Variants in UBR1 observed in about 807,000 individuals in gnomAD.
UBR1 encodes the protein E3 ubiquitin-protein ligase UBR1.
Under a neutral mutation model 242.1 loss-of-function variants are expected in UBR1, and 102 were observed. The ratio of observed to expected loss-of-function variants is 0.42; its 90% CI spans 0.36 to 0.50. The LOEUF (loss-of-function observed/expected upper bound fraction) is 0.50. Ranked by LOEUF, UBR1 falls within the 20% of genes least tolerant of loss-of-function variation. UBR1 has a pLI of 0.01. For missense variants in UBR1, 1,772 were observed against 2,101.8 expected, an observed-to-expected ratio of 0.84 and a Z score of 3.07; for synonymous variants, 675 against 684.8, an observed-to-expected ratio of 0.99 and a Z score of 0.22.
intron 29 of UBR1, chr15:43,011,874 A>T (rs1192550036): frequency 2.2e-6 from 1 of 445,278 alleles, no homozygotes; most frequent in African/African-American, 2.0e-5. Context: ...TCAGATGAAT[A>T]AACTATTATA....
chr15:43,033,978 G>A (rs548328626), intron 19 of UBR1, among the ~76,000 whole-genome samples: 6 of 152,108 alleles, frequency 3.9e-5, no homozygotes, highest in South Asian at 4.2e-4. Context: ...AGTGGCTCAC[G>A]CCTGTGATCC....
At chr15:42,967,869 C>T (rs2032135933) in intron 40 of UBR1, among the ~76,000 whole-genome samples, 1 of 151,188 alleles carries the variant, frequency 6.6e-6, no homozygotes, top group African/African-American at 2.4e-5. Flanking sequence ...CAGAGCATGC[C>T]TATCGTACTC....
In UBR1 at chr15:43,022,737, T is replaced by C; in HGVS notation, c.2804A>G (p.Glu935Gly). The change falls in exon 26 of 47, where the codon GAA (glutamate) becomes GGA (glycine). Residue 935 changes from glutamate to glycine, a missense_variant. Physicochemically the swap from Glu to Gly is moderately conservative, Grantham distance 98 (BLOSUM62 -2). Transcript: ENST00000290650. ...ATGATAAAAGTCAAATGTTACTTCT[T>C]CTTCAGGAGCTTTTTGAAGCTGTTG... ...EKQQLQKAPE[E>G]EVTFDFYHKA... 1 of 1,612,478 alleles carries C rather than the reference T, an allele frequency of 6.2e-7. No homozygotes were observed. The highest frequency in any genetic ancestry group is 8.5e-7 in the Non-Finnish European group (1 of 1,179,050).
rs762228057 is a variant in UBR1, at chr15:43,059,833, T to G, written c.862-8A>C. ...GACATTTTCTGAATGACTCTACAAATGAAGGGAACGAACCAAAAAAATAGC... is the reference window on the plus strand; with the variant it reads ...GACATTTTCTGAATGACTCTACAAAGGAAGGGAACGAACCAAAAAAATAGC... On this transcript the variant is annotated splice_polypyrimidine_tract_variant and splice_region_variant and intron_variant, in intron 7 of 46. Coordinates refer to ENST00000290650, the MANE Select transcript of UBR1 (RefSeq NM_174916.3). 6.2e-7 allele frequency: 1 copy of G among 1,613,840 alleles called. No homozygotes were observed.
intron 1 of UBR1, among the ~76,000 whole-genome samples, chr15:43,090,234 T>C (rs2034091227): frequency 6.6e-6 from 1 of 152,174 alleles, no homozygotes; most frequent in Non-Finnish European, 1.5e-5. Context: ...GCAGTATATA[T>C]AAAATCTCAA....
chr15:43,023,242 A>G (rs1232039456), intron 25 of UBR1, among the ~76,000 whole-genome samples: 1 of 152,198 alleles, frequency 6.6e-6, no homozygotes. Context: ...GAAAGGTTTC[A>G]GCAGTTCACA....
intron 40 of UBR1, among the ~76,000 whole-genome samples, chr15:42,969,547 T>C (rs1157032298): frequency 1.3e-5 from 2 of 152,236 alleles, no homozygotes; most frequent in Non-Finnish European, 2.9e-5. Flanking sequence ...AATTTTGGCT[T>C]TTGTTGCAAT....
chr15:43,094,687 T>C (rs2034139556), intron 1 of UBR1, among the ~76,000 whole-genome samples: 2 of 152,146 alleles, frequency 1.3e-5, no homozygotes, highest in Admixed American at 1.3e-4. Flanking sequence ...AACCTAGATA[T>C]AAGGCTTTAC....
intron 1 of UBR1, among the ~76,000 whole-genome samples, chr15:43,097,988 TC>T (rs774444659): frequency 1.3e-5 from 2 of 152,370 alleles, no homozygotes; most frequent in Admixed American, 6.5e-5. Context: ...TTGGCCTATG[TC>T]AGCTTTCAAC....
chr15:43,081,876 C>T (rs1186716857), intron 3 of UBR1, among the ~76,000 whole-genome samples: 1 of 151,872 alleles, frequency 6.6e-6, no homozygotes, highest in African/African-American at 2.4e-5. Context: ...CACATAAAGG[C>T]ATTTACTGTA....
intron 44 of UBR1, among the ~76,000 whole-genome samples, chr15:42,957,538 CA>C (rs762966242): frequency 6.6e-6 from 1 of 152,058 alleles, no homozygotes; most frequent in Non-Finnish European, 1.5e-5. Flanking sequence ...AAAAAATTGA[CA>C]ACCACTGTTA....
chr15:42,948,004 T>A (rs554006480), intron 46 of UBR1, among the ~76,000 whole-genome samples: 1 of 152,268 alleles, frequency 6.6e-6, no homozygotes, highest in Admixed American at 6.5e-5. Flanking sequence ...AGAACAAAGC[T>A]GGAGGCATCA....
At chr15:42,969,318 T>G (rs180764638) in intron 40 of UBR1, among the ~76,000 whole-genome samples, 30 of 152,372 alleles carry the variant, frequency 2.0e-4, no homozygotes, top group African/African-American at 7.2e-4. Context: ...TGTCTTCTTT[T>G]GAAAAGTGTC....
At chr15:42,964,094 A>C (rs188074667) in intron 41 of UBR1, 51 bp from the exon 42 acceptor site, 11 of 1,236,074 alleles carry the variant, frequency 8.9e-6, no homozygotes, top group Non-Finnish European at 1.2e-5. Context: ...TTACCTGGTC[A>C]ATCTGTGCAT....
At chr15:42,964,626 G>A (rs2141258074) in intron 41 of UBR1, among the ~76,000 whole-genome samples, 1 of 152,216 alleles carries the variant, frequency 6.6e-6, no homozygotes, top group Admixed American at 6.5e-5. Context: ...CCCTATCGTG[G>A]CCCAAAGGTC....
At chr15:42,956,138 G>A (rs1156613877) in intron 44 of UBR1, among the ~76,000 whole-genome samples, 1 of 152,164 alleles carries the variant, frequency 6.6e-6, no homozygotes, top group African/African-American at 2.4e-5. Context: ...GAGTCACGAT[G>A]CTATTACCTG....
intron 6 of UBR1, among the ~76,000 whole-genome samples, chr15:43,063,718 CTT>C (rs36113944): frequency 2.5e-4 from 37 of 149,414 alleles, no homozygotes; most frequent in South Asian, 1.1e-3. Context: ...GAATGCCTGC[CTT>C]TTTTTTTTTT....
intron 29 of UBR1, among the ~76,000 whole-genome samples, chr15:43,013,238 C>T (rs745876061): frequency 3.3e-5 from 5 of 152,128 alleles, no homozygotes; most frequent in African/African-American, 4.8e-5. Flanking sequence ...GCAGTGAAAG[C>T]TTGTCTTTAA....
chr15:42,982,693 T>G (rs1673164150), intron 37 of UBR1, among the ~76,000 whole-genome samples: 1 of 152,078 alleles, frequency 6.6e-6, no homozygotes, highest in Non-Finnish European at 1.5e-5. Context: ...CACTATTGGC[T>G]TCAATAGATT....
Sources: gnomAD v4.1 joint callset for allele counts (sites outside exome capture counted in the v4.1 genomes callset) on GRCh38, gnomAD v4.1.1 for gene constraint, MANE v1.5 for transcripts, NCBI Gene and HGNC (gene_info 2026-07-23, HGNC 2026-07-21) for gene names.